ATG16L1: variants seen among roughly 807,000 people sequenced by gnomAD.
The protein encoded by ATG16L1 is autophagy-related protein 16-1.
Under a neutral mutation model 88.5 loss-of-function variants are expected in ATG16L1, and 37 were observed. That is an observed-to-expected ratio of 0.42 (90% CI 0.32 to 0.55). The LOEUF (loss-of-function observed/expected upper bound fraction) is 0.55, where lower values mean the gene tolerates loss of function less well. Among genes scored for constraint, ATG16L1 ranks in the 20% least tolerant of loss-of-function variants. ATG16L1 has a pLI of 0.13. For synonymous variants in ATG16L1, 301 were observed against 281.0 expected (o/e 1.07, Z -0.71); for missense variants, 554 against 752.8 (o/e 0.74, Z 3.09).
chr2:233,272,215 CGT>C (rs1251443679), intron 6 of ATG16L1, among the ~76,000 whole-genome samples: 4 of 152,064 alleles, frequency 2.6e-5, no homozygotes, highest in Non-Finnish European at 4.4e-5. Context: ...GTAGGAAAGA[CGT>C]GGCCCAGAAA....
intron 1 of ATG16L1, among the ~76,000 whole-genome samples, chr2:233,253,340 GTTTTTTTTTTTTT>G (rs56151049): frequency 9.2e-6 from 1 of 108,660 alleles, no homozygotes; most frequent in African/African-American, 3.6e-5. Flanking sequence ...GGGTTTTTTT[GTTTTTTTTTTTTT>G]TTTTTTTTGG....
chr2:233,290,388 A>T, intron 14 of ATG16L1, 35 bp downstream of exon 14: 2 of 1,498,644 alleles, frequency 1.3e-6, no homozygotes, highest in Non-Finnish European at 1.9e-6. Context: ...GAGGCACATA[A>T]GAGTCTCCAC....
rs1430544855 is a variant in ATG16L1 at position 233,253,332 on chromosome 2, GTTTTTTTGTT to G, written c.115+1398_115+1407del. On this transcript the variant is annotated intron_variant, in intron 1 of 17. Coordinates refer to ENST00000392017, the MANE Select transcript of ATG16L1 (RefSeq NM_030803.7). ...CACAGCAGGTTAATGGTGAGACTGG[GTTTTTTTGTT>G]TTTTTTTTTTTTTTTTTTTGGAGAC... Among the ~76,000 whole-genome samples the G allele has an allele frequency of 1.3e-3, 149 of 112,908 alleles. 2 individuals carry two copies. The highest frequency in any genetic ancestry group is 2.2e-3 in the Non-Finnish European group (124 of 55,954). The allele number at this position is 112,908 out of a possible 152,430, so 74.1% of individuals were successfully genotyped here. A position where few individuals can be genotyped will look rare whatever the true frequency, so the allele number is the denominator to read the frequency against.
At chr2:233,278,589 G>GA (rs2125263238) in intron 10 of ATG16L1, among the ~76,000 whole-genome samples, 1 of 152,326 alleles carries the variant, frequency 6.6e-6, no homozygotes, top group Non-Finnish European at 1.5e-5. Flanking sequence ...CATGGCTAGT[G>GA]AATGATTTCT....
chr2:233,270,921 G>T (rs1166481712), intron 6 of ATG16L1, among the ~76,000 whole-genome samples: 1 of 152,188 alleles, frequency 6.6e-6, no homozygotes, highest in African/African-American at 2.4e-5. Flanking sequence ...TTGCTTCCCT[G>T]TAAGTGGAGG....
At chr2:233,262,812 C>T (rs145076848) in intron 2 of ATG16L1, among the ~76,000 whole-genome samples, 4 of 152,296 alleles carry the variant, frequency 2.6e-5, no homozygotes, top group African/African-American at 4.8e-5. Flanking sequence ...GCTGCGTCAT[C>T]GGCACTCAGG....
intron 5 of ATG16L1, among the ~76,000 whole-genome samples, chr2:233,266,933 C>T (rs1484499297): frequency 2.0e-5 from 3 of 152,096 alleles, no homozygotes; most frequent in Non-Finnish European, 4.4e-5. Flanking sequence ...AAAATGTTCT[C>T]CTAGAGATAC....
At chr2:233,292,827 C>T (rs1699555449) in intron 16 of ATG16L1, among the ~76,000 whole-genome samples, 1 of 152,228 alleles carries the variant, frequency 6.6e-6, no homozygotes, top group Non-Finnish European at 1.5e-5. Flanking sequence ...GTTTTCTGCT[C>T]CTTGTTCCCT....
In ATG16L1 at chr2:233,256,160, T is replaced by G; in HGVS notation, c.174T>G (p.Ala58=). ...LHSVLAQKLQ[A]EKHDVPNRHE... is the part of the protein sequence containing the mutation. ...CAGTGTTGGCCCAGAAACTACAGGC[T>G]GAAAAGCATGACGTACCAAACAGGC... Residue 58 remains alanine, a synonymous_variant, in exon 2 of 18, where the codon GCT becomes GCG. Transcript: ENST00000392017. 1 of 1,614,140 alleles carries G rather than the reference T, an allele frequency of 6.2e-7. No individual in the cohort carries two copies. Among genetic ancestry groups the G allele is most frequent in the Non-Finnish European group, 8.5e-7 (1 of 1,180,006 alleles).
intron 5 of ATG16L1, 146 bp from the exon 6 acceptor site, chr2:233,269,854 TTG>T (rs1158070616): frequency 1.8e-5 from 12 of 671,252 alleles, no homozygotes; most frequent in Non-Finnish European, 2.9e-5. Context: ...GAGTTTGGGC[TTG>T]TGACTTTTGA....
chr2:233,281,093 C>T lies in ATG16L1; in HGVS notation c.1061-12C>T, dbSNP rs768385167. 4.5e-6 allele frequency: 7 copies of T among 1,563,680 alleles called. No homozygotes were observed. The South Asian group carries it at 4.7e-5, about 11-fold the overall frequency. ...TAACTTCCCATCATCCTAATTTTTT[C>T]TTTTTATACAGAAAAATGTGAGTTC... On this transcript the variant is annotated splice_polypyrimidine_tract_variant and intron_variant, in intron 10 of 17. Transcript: ENST00000392017.
intron 9 of ATG16L1, chr2:233,275,524 G>A: frequency 2.9e-6 from 1 of 350,228 alleles, no homozygotes; most frequent in South Asian, 2.2e-5. Flanking sequence ...AAAATGGGAT[G>A]GAATTTATAT....
chr2:233,258,168 C>G (rs1433834992), intron 2 of ATG16L1, among the ~76,000 whole-genome samples: 1 of 151,930 alleles, frequency 6.6e-6, no homozygotes, highest in East Asian at 1.9e-4. Flanking sequence ...TCTTATTATC[C>G]TCTTCTGTAA....
At chr2:233,256,457 G>T (rs1230092885) in intron 2 of ATG16L1, among the ~76,000 whole-genome samples, 1 of 152,170 alleles carries the variant, frequency 6.6e-6, no homozygotes, top group African/African-American at 2.4e-5. Context: ...CCCTAGGTCA[G>T]TTTCTCATCT....
rs763232823 is a variant in ATG16L1, at chr2:233,273,051, A to G, written c.793A>G (p.Thr265Ala). ...SPVRAISRAA[T>A]KRLSQPAGGL... is the part of the protein sequence containing the mutation. ...TGTGCGAGCCATCAGCAGAGCAGCC[A>G]CGTAAGTAGGCAGGTTTGGGCCAGG... is the stretch of plus-strand genomic sequence containing the variant. The change falls in exon 7 of 18, where the codon ACT (threonine) becomes GCT (alanine). Residue 265 changes from threonine (T) to alanine (A), a missense_variant and splice_region_variant. This residue lies in a region of ATG16L1 where 370 missense variants were observed against 509.7 expected (regional missense o/e 0.73). Transcript: ENST00000392017. The G allele has an allele frequency of 6.2e-7, 1 of 1,613,892 alleles. No homozygotes were observed. Among genetic ancestry groups the G allele is most frequent in the Non-Finnish European group, 8.5e-7 (1 of 1,179,776 alleles).
chr2:233,268,583 T>C (rs532009818), intron 5 of ATG16L1, among the ~76,000 whole-genome samples: 43 of 152,338 alleles, frequency 2.8e-4, no homozygotes, highest in South Asian at 1.7e-3. Context: ...CCTGAAGTTA[T>C]AGAAAGTAGA....
intron 1 of ATG16L1, among the ~76,000 whole-genome samples, chr2:233,253,307 C>A (rs1192060488): frequency 6.7e-6 from 1 of 148,476 alleles, no homozygotes; most frequent in African/African-American, 2.5e-5. Flanking sequence ...TCTGAGGTTG[C>A]ACAGCAGGTT....
intron 12 of ATG16L1, among the ~76,000 whole-genome samples, chr2:233,286,965 A>C (rs764270320): frequency 1.1e-4 from 16 of 152,100 alleles, no homozygotes; most frequent in Non-Finnish European, 2.4e-4. Context: ...AATACGTACG[A>C]GGAGCCAAGA....
chr2:233,256,341 C>T, intron 2 of ATG16L1, 146 bp downstream of exon 2: 2 of 691,514 alleles, frequency 2.9e-6, no homozygotes, highest in Non-Finnish European at 2.5e-6. Context: ...GAACTAAAAC[C>T]ATGTAATTAC....
Sources: allele counts gnomAD v4.1 joint callset (sites outside exome capture counted in the v4.1 genomes callset), GRCh38; gene constraint gnomAD v4.1.1; regional missense constraint gnomAD v4.1.1; transcripts MANE v1.5; gene names NCBI Gene and HGNC (gene_info 2026-07-23, HGNC 2026-07-21).